COL5A2: variants seen among roughly 807,000 people sequenced by gnomAD.
COL5A2 encodes collagen alpha-2(V) chain.
In COL5A2, 23 loss-of-function variants were observed where a neutral mutation model predicts 208.2. The observed-to-expected ratio is 0.11, with a 90% CI of 0.08 to 0.16. The LOEUF is 0.16. COL5A2 is among the 10% of genes least tolerant of loss of function. The pLI, the probability that COL5A2 is intolerant of heterozygous loss-of-function variation, is 1.00. For missense variants in COL5A2, 1,590 were observed against 1,956.4 expected (o/e 0.81, Z 3.53); for synonymous variants, 625 against 628.5 (o/e 0.99, Z 0.08).
intron 1 of COL5A2, among the ~76,000 whole-genome samples, chr2:189,114,630 T>TGA (rs1377944934): frequency 8.2e-6 from 1 of 122,142 alleles, no homozygotes; most frequent in African/African-American, 3.2e-5. Flanking sequence ...GGCCCAGGAC[T>TGA]TAAAAAAAAA....
chr2:189,310,723 T>C, the COL5A2 span, among the ~76,000 whole-genome samples: 66 of 92,190 alleles, frequency 7.2e-4, no homozygotes, highest in Non-Finnish European at 1.3e-3. Flanking sequence ...ACATACACAA[T>C]GGAGTACTAT....
chr2:189,315,773 C>G, the COL5A2 span, among the ~76,000 whole-genome samples: 1 of 152,012 alleles, frequency 6.6e-6, no homozygotes, highest in African/African-American at 2.4e-5. Context: ...ACTATCAATT[C>G]TATATACCAA....
At chr2:189,349,988 A>T in the COL5A2 span, among the ~76,000 whole-genome samples, 6 of 152,196 alleles carry the variant, frequency 3.9e-5, no homozygotes, top group African/African-American at 1.4e-4. Flanking sequence ...TGGATCTCAT[A>T]TCAAAGCACC....
intron 1 of COL5A2, among the ~76,000 whole-genome samples, chr2:189,164,115 T>A (rs928677315): frequency 3.9e-5 from 6 of 152,202 alleles, no homozygotes; most frequent in Non-Finnish European, 8.8e-5. Flanking sequence ...TTGGCTCAGA[T>A]GCCTGTGGAT....
chr2:189,145,062 A>G (rs1315402114), intron 1 of COL5A2, among the ~76,000 whole-genome samples: 2 of 152,178 alleles, frequency 1.3e-5, no homozygotes, highest in Non-Finnish European at 2.9e-5. Flanking sequence ...CCTTCAGAGC[A>G]TTGCAAAATA....
intron 21 of COL5A2, 28 bp downstream of exon 21, chr2:189,067,987 G>T: frequency 6.4e-7 from 1 of 1,556,334 alleles, no homozygotes; most frequent in East Asian, 2.2e-5. Flanking sequence ...TTACACTAAA[G>T]GATGATAGTT....
the COL5A2 span, among the ~76,000 whole-genome samples, chr2:189,281,959 G>A: frequency 6.6e-6 from 1 of 152,290 alleles, no homozygotes; most frequent in South Asian, 2.1e-4. Flanking sequence ...CGAGAAGGGT[G>A]GATCACCTGA....
At chr2:189,439,850 T>G in the COL5A2 span, among the ~76,000 whole-genome samples, 1 of 152,234 alleles carries the variant, frequency 6.6e-6, no homozygotes, top group Non-Finnish European at 1.5e-5. Context: ...GTGAAAATAT[T>G]TATTTTGTTT....
the COL5A2 span, among the ~76,000 whole-genome samples, chr2:189,232,149 A>C: frequency 6.6e-6 from 1 of 151,766 alleles, no homozygotes; most frequent in Non-Finnish European, 1.5e-5. Context: ...CTCAGTGACC[A>C]TGGTGACTCA....
intron 1 of COL5A2, among the ~76,000 whole-genome samples, chr2:189,203,151 G>T (rs987514243): frequency 2.0e-5 from 3 of 152,106 alleles, no homozygotes; most frequent in Non-Finnish European, 4.4e-5. Context: ...ATACAATGAG[G>T]ATATATCATG....
chr2:189,110,385 C>G lies in COL5A2; in HGVS notation c.162G>C (p.Trp54Cys). The G allele has an allele frequency of 6.2e-7, 1 of 1,614,126 alleles. No individual in the cohort carries two copies. The highest frequency in any genetic ancestry group is 8.5e-7 in the Non-Finnish European group (1 of 1,180,010). ...CACAGATCTGACAAGGGGCAGGTTT[C>G]CAAATGTCCCTGTTTAAGTACATCT... ...NGQMYLNRDI[W>C]KPAPCQICVC... is the part of the protein sequence containing the mutation. Residue 54 changes from tryptophan to cysteine, a missense_variant, in exon 2 of 54, where the codon TGG (tryptophan) becomes TGC (cysteine). By Grantham distance (215) the Trp-to-Cys change is radical. Coordinates refer to ENST00000374866, the MANE Select transcript of COL5A2 (RefSeq NM_000393.5).
chr2:189,323,158 A>T, the COL5A2 span, among the ~76,000 whole-genome samples: 8 of 152,226 alleles, frequency 5.3e-5, no homozygotes, highest in African/African-American at 1.9e-4. Context: ...TTAGGTACTG[A>T]TGGGACGTAT....
chr2:189,322,420 T>C, the COL5A2 span, among the ~76,000 whole-genome samples: 1 of 151,762 alleles, frequency 6.6e-6, no homozygotes, highest in Admixed American at 6.6e-5. Context: ...ACAAAACTGA[T>C]ACACTGCTAG....
intron 26 of COL5A2, 143 bp downstream of exon 26, chr2:189,063,837 A>T (rs1005835072): frequency 1.5e-5 from 10 of 661,408 alleles, no homozygotes; most frequent in Non-Finnish European, 2.6e-5. Flanking sequence ...AGATCCTAAG[A>T]ATATGCTTCC....
the COL5A2 span, among the ~76,000 whole-genome samples, chr2:189,273,671 C>G: frequency 6.6e-6 from 1 of 151,912 alleles, no homozygotes; most frequent in Non-Finnish European, 1.5e-5. Flanking sequence ...ACCATTCAGC[C>G]CTAAAAAGAG....
the COL5A2 span, among the ~76,000 whole-genome samples, chr2:189,286,159 T>C: frequency 6.6e-6 from 1 of 152,028 alleles, no homozygotes; most frequent in Non-Finnish European, 1.5e-5. Context: ...ATTGCACAGT[T>C]TGGCATCACA....
chr2:189,105,837 T>C (rs1559106791), intron 2 of COL5A2, among the ~76,000 whole-genome samples: 1 of 151,500 alleles, frequency 6.6e-6, no homozygotes, highest in Admixed American at 6.6e-5. Context: ...GTGTAGAATA[T>C]ATTTTTATTA....
intron 52 of COL5A2, among the ~76,000 whole-genome samples, chr2:189,035,912 C>G (rs1354414961): frequency 1.3e-5 from 2 of 152,064 alleles, no homozygotes; most frequent in Non-Finnish European, 2.9e-5. Flanking sequence ...AAAGGCCAGA[C>G]AGTTGTCTGA....
At chr2:189,075,114 A>T (rs1259103493) in intron 17 of COL5A2, among the ~76,000 whole-genome samples, 1 of 152,166 alleles carries the variant, frequency 6.6e-6, no homozygotes, top group African/African-American at 2.4e-5. Context: ...ATTCTTGCCC[A>T]TTTTATATAT....
Sources: gnomAD v4.1 joint callset for allele counts (sites outside exome capture counted in the v4.1 genomes callset) on GRCh38, gnomAD v4.1.1 for gene constraint, MANE v1.5 for transcripts, NCBI Gene and HGNC (gene_info 2026-07-23, HGNC 2026-07-21) for gene names.